ADCY2: variants seen among roughly 807,000 people sequenced by gnomAD.
ADCY2 encodes adenylate cyclase 2.
Under a neutral mutation model 125.2 loss-of-function variants are expected in ADCY2, and 31 were observed. That is an observed-to-expected ratio of 0.25 (90% CI 0.19 to 0.33). The LOEUF (loss-of-function observed/expected upper bound fraction) is 0.33, where lower values mean the gene tolerates loss of function less well. Ranked by LOEUF, ADCY2 falls within the 10% of genes least tolerant of loss-of-function variation. ADCY2 has a pLI of 1.00. For missense variants in ADCY2, 904 were observed against 1,418.2 expected, an observed-to-expected ratio of 0.64 and a Z score of 5.82; for synonymous variants, 512 against 548.4, an observed-to-expected ratio of 0.93 and a Z score of 0.93.
At chr5:7,685,428 A>T (rs1386141237) in intron 4 of ADCY2, 1 of 152,278 alleles carries the variant, frequency 6.6e-6, no homozygotes, top group Non-Finnish European at 1.5e-5. Flanking sequence ...GAGGTGGCAG[A>T]GAAAGGGTGG....
rs555161731 is a variant in ADCY2 at position 7,554,982 on chromosome 5, G to A, written c.570+34083G>A. Among the ~76,000 whole-genome samples, 21 of 152,264 alleles carry A rather than the reference G, an allele frequency of 1.4e-4. No individual in the cohort carries two copies. In the East Asian group the frequency reaches 4.1e-3, roughly 29 times the overall value. On this transcript the variant is annotated intron_variant, in intron 3 of 24. Coordinates refer to ENST00000338316, the MANE Select transcript of ADCY2 (RefSeq NM_020546.3). The stretch of plus-strand genomic sequence containing the variant: ...TATCCTTTCCACCTCCCCACAAGAT[G>A]CTTGAAGGAAGGAAGTGGCAGTTTC...
chr5:7,415,258 G>A (rs946311971), intron 2 of ADCY2, among the ~76,000 whole-genome samples: 6 of 152,126 alleles, frequency 3.9e-5, no homozygotes, highest in African/African-American at 1.4e-4. Context: ...AGTGAAATAA[G>A]CCAGGCACAG....
At chr5:7,530,600 C>T (rs945660421) in intron 3 of ADCY2, among the ~76,000 whole-genome samples, 3 of 116,258 alleles carry the variant, frequency 2.6e-5, no homozygotes, top group African/African-American at 8.0e-5. Context: ...AGCCCCAGTA[C>T]CTCATCCAGA....
chr5:7,788,911 T>C (rs777808720), intron 19 of ADCY2, among the ~76,000 whole-genome samples: 1 of 152,238 alleles, frequency 6.6e-6, no homozygotes, highest in South Asian at 2.1e-4. Flanking sequence ...ATTTACATCA[T>C]AGGAGGCACA....
At chr5:7,619,218 T>C (rs918569308) in intron 3 of ADCY2, among the ~76,000 whole-genome samples, 2 of 152,226 alleles carry the variant, frequency 1.3e-5, no homozygotes, top group Non-Finnish European at 2.9e-5. Flanking sequence ...AACATCAGAC[T>C]GGGTCACGAG....
At chr5:7,566,245 A>G (rs534926020) in intron 3 of ADCY2, among the ~76,000 whole-genome samples, 76 of 152,306 alleles carry the variant, frequency 5.0e-4, no homozygotes, top group Non-Finnish European at 6.8e-4. Flanking sequence ...TCCCAACACT[A>G]GGAGGCCAAG....
chr5:7,680,439 T>G (rs1030538986), intron 4 of ADCY2, among the ~76,000 whole-genome samples: 1 of 152,194 alleles, frequency 6.6e-6, no homozygotes, highest in African/African-American at 2.4e-5. Flanking sequence ...CATTAAGGAA[T>G]GGCAAGGGCT....
chr5:7,667,510 T>C (rs1284541404), intron 4 of ADCY2, among the ~76,000 whole-genome samples: 8 of 151,422 alleles, frequency 5.3e-5, no homozygotes, highest in Admixed American at 5.2e-4. Context: ...CTTCATACTT[T>C]TAACATGATA....
chr5:7,760,442 G>C (rs1356231215), intron 16 of ADCY2, among the ~76,000 whole-genome samples: 1 of 152,132 alleles, frequency 6.6e-6, no homozygotes, highest in Non-Finnish European at 1.5e-5. Context: ...AGAACCCTTG[G>C]GTGACTGACA....
chr5:7,817,211 C>T (rs185487851), intron 23 of ADCY2, among the ~76,000 whole-genome samples: 7 of 152,216 alleles, frequency 4.6e-5, no homozygotes, highest in African/African-American at 1.2e-4. Flanking sequence ...TCTACAAACA[C>T]GGCACGCACA....
chr5:7,622,209 C>T (rs1446095823), intron 3 of ADCY2, among the ~76,000 whole-genome samples: 1 of 152,146 alleles, frequency 6.6e-6, no homozygotes, highest in Non-Finnish European at 1.5e-5. Flanking sequence ...AAAATTGTAA[C>T]CTAATCACTT....
At chr5:7,571,871 T>C (rs1189542385) in intron 3 of ADCY2, among the ~76,000 whole-genome samples, 2 of 152,210 alleles carry the variant, frequency 1.3e-5, no homozygotes, top group East Asian at 1.9e-4. Context: ...CTCCTACTTA[T>C]AAGTGAGAAC....
chr5:7,581,517 A>AAAGAG (rs113746785), intron 3 of ADCY2, among the ~76,000 whole-genome samples: 96,363 of 151,396 alleles, frequency 0.64, 31,258 homozygotes, highest in Non-Finnish European at 0.69. Flanking sequence ...TTACAGAAGG[A>AAAGAG]AAAAGTAGAG....
At chr5:7,826,671 A>G in intron 24 of ADCY2, 48 bp from the exon 25 acceptor site, 1 of 1,613,536 alleles carries the variant, frequency 6.2e-7, no homozygotes, top group Non-Finnish European at 8.5e-7. Context: ...GATGGGTTGT[A>G]TCAATGTATG....
chr5:7,704,728 A>C (rs1427205182), intron 7 of ADCY2, among the ~76,000 whole-genome samples: 1 of 152,074 alleles, frequency 6.6e-6, no homozygotes, highest in Non-Finnish European at 1.5e-5. Flanking sequence ...AAAACAAAAA[A>C]TTAGCTGGGC....
chr5:7,651,431 A>G (rs1739085885), intron 4 of ADCY2, among the ~76,000 whole-genome samples: 1 of 152,198 alleles, frequency 6.6e-6, no homozygotes, highest in Non-Finnish European at 1.5e-5. Flanking sequence ...AAAAGTAGGG[A>G]GGCCAACTGT....
At chr5:7,431,786 T>C (rs1740611434) in intron 2 of ADCY2, among the ~76,000 whole-genome samples, 1 of 152,172 alleles carries the variant, frequency 6.6e-6, no homozygotes, top group Non-Finnish European at 1.5e-5. Context: ...TACTTTATCA[T>C]GGAAGACAGA....
chr5:7,772,897 C>A, intron 17 of ADCY2, 35 bp from the exon 18 acceptor site: 1 of 1,600,202 alleles, frequency 6.2e-7, no homozygotes, highest in Non-Finnish European at 8.6e-7. Flanking sequence ...CAGAAGAGAT[C>A]CTAAGTATCT....
At chr5:7,473,373 G>A (rs1453102440) in intron 2 of ADCY2, among the ~76,000 whole-genome samples, 3 of 152,010 alleles carry the variant, frequency 2.0e-5, no homozygotes, top group Admixed American at 1.3e-4. Flanking sequence ...AGAGAGAGTG[G>A]GGGGAGGTGC....
Sources: gnomAD v4.1 joint callset for allele counts (sites outside exome capture counted in the v4.1 genomes callset) on GRCh38, gnomAD v4.1.1 for gene constraint, MANE v1.5 for transcripts, NCBI Gene and HGNC (gene_info 2026-07-23, HGNC 2026-07-21) for gene names.